PHGDH: variants seen among roughly 807,000 people sequenced by gnomAD.
PHGDH encodes the protein D-3-phosphoglycerate dehydrogenase.
Under a neutral mutation model 52.6 loss-of-function variants are expected in PHGDH, and 50 were observed. The observed-to-expected ratio is 0.95, with a 90% CI of 0.76 to 1.20. The LOEUF (loss-of-function observed/expected upper bound fraction) is 1.20. Ranked by LOEUF, PHGDH falls within the 50% of genes most tolerant of loss-of-function variation. The pLI, the probability that PHGDH is intolerant of heterozygous loss-of-function variation, is 0.00. For missense variants in PHGDH, 630 were observed against 684.6 expected, an observed-to-expected ratio of 0.92 and a Z score of 0.89; for synonymous variants, 271 against 280.5, an observed-to-expected ratio of 0.97 and a Z score of 0.34.
intron 1 of PHGDH, chr1:119,715,812 A>G (rs1168286864): frequency 6.6e-6 from 1 of 152,346 alleles, no homozygotes; most frequent in Non-Finnish European, 1.5e-5. Context: ...GAACATCAGA[A>G]TTTGGTGCTG....
At chr1:119,733,036 C>T (rs1409823921) in intron 5 of PHGDH, among the ~76,000 whole-genome samples, 1 of 152,238 alleles carries the variant, frequency 6.6e-6, no homozygotes, top group Non-Finnish European at 1.5e-5. Context: ...GATCCCATCT[C>T]CTCGCCTGGA....
chr1:119,727,148 T>A lies in PHGDH; in HGVS notation c.510+46T>A, dbSNP rs587736616. The A allele has an allele frequency of 4.3e-5, 54 of 1,241,602 alleles. 1 individual carries two copies. In the South Asian group the frequency reaches 5.8e-4, roughly 13 times the overall value. The allele number at this position is 1,241,602 out of a possible 1,614,324, so 76.9% of individuals were successfully genotyped here. A position where few individuals can be genotyped will look rare whatever the true frequency, so the allele number is the denominator to read the frequency against. On this transcript the variant is annotated intron_variant, in intron 5 of 11. Coordinates refer to ENST00000641023, the MANE Select transcript of PHGDH (RefSeq NM_006623.4). ...TGTGATGTGGGACTTTCTGCAGCAA[T>A]TTTGGGAAAGGCAGCATGTCTGGGC... is the stretch of plus-strand genomic sequence containing the variant.
chr1:119,737,756 A>C (rs1652010610), intron 8 of PHGDH, among the ~76,000 whole-genome samples: 1 of 152,034 alleles, frequency 6.6e-6, no homozygotes, highest in Non-Finnish European at 1.5e-5. Flanking sequence ...CTTTCCCCAA[A>C]TCAAGGCATA....
rs1651889178 is a variant in PHGDH, at chr1:119,735,438, A to G, written c.787A>G (p.Thr263Ala). Residue 263 changes from threonine (T) to alanine (A), a missense_variant, in exon 7 of 12, where the codon ACG becomes GCG. Transcript: ENST00000641023. ...QCAGAALDVFTEEPPRDRALV... is the reference protein window; with the variant it reads ...QCAGAALDVFAEEPPRDRALV... Reference sequence around the variant, plus strand: ...TGCCGGGGCTGCACTGGACGTGTTTACGGAAGTAAGTGCCTGGCAGCCTCA... The same window carrying G: ...TGCCGGGGCTGCACTGGACGTGTTTGCGGAAGTAAGTGCCTGGCAGCCTCA... 2.5e-6 allele frequency: 4 copies of G among 1,612,634 alleles called. No individual in the cohort carries two copies. The highest frequency in any genetic ancestry group is 1.7e-5 in the Admixed American group (1 of 60,004).
intron 1 of PHGDH, chr1:119,719,736 C>G (rs957966550): frequency 6.6e-6 from 1 of 152,240 alleles, no homozygotes; most frequent in Admixed American, 6.5e-5. Context: ...ATGCTCTAGG[C>G]TCGTGCACAA....
chr1:119,727,442 T>A (rs1048758259), intron 5 of PHGDH: 1 of 371,716 alleles, frequency 2.7e-6, no homozygotes, highest in African/African-American at 2.1e-5. Flanking sequence ...ATTGAGGAGT[T>A]TATTGCAAAG....
chr1:119,727,139 C>A lies in PHGDH; in HGVS notation c.510+37C>A, dbSNP rs1210628955. ...CTGGAACCCTGTGATGTGGGACTTT[C>A]TGCAGCAATTTTGGGAAAGGCAGCA... On this transcript the variant is annotated intron_variant, in intron 5 of 11. Coordinates refer to ENST00000641023, the MANE Select transcript of PHGDH (RefSeq NM_006623.4). The A allele has an allele frequency of 4.6e-6, 6 of 1,308,914 alleles. 1 individual carries two copies. The South Asian group carries it at 5.9e-5, about 13-fold the overall frequency. The allele number at this position is 1,308,914 out of a possible 1,614,324, so 81.1% of individuals were successfully genotyped here. A position where few individuals can be genotyped will look rare whatever the true frequency, so the allele number is the denominator to read the frequency against.
At chr1:119,720,278 A>G (rs1651091697) in intron 1 of PHGDH, 1 of 152,182 alleles carries the variant, frequency 6.6e-6, no homozygotes. Flanking sequence ...GTATATTTTT[A>G]GTCTAATATT....
intron 5 of PHGDH, among the ~76,000 whole-genome samples, chr1:119,730,729 A>G (rs1409902820): frequency 1.3e-5 from 2 of 152,166 alleles, no homozygotes; most frequent in Non-Finnish European, 2.9e-5. Flanking sequence ...GACATCTTTC[A>G]TGATTCCCTC....
rs1177892628 is a variant in PHGDH, at chr1:119,717,656, C to CT, written c.139-3509dup. Among the ~76,000 whole-genome samples, 6 of 152,142 alleles carry CT rather than the reference C, an allele frequency of 3.9e-5. No individual in the cohort carries two copies. In the East Asian group the frequency reaches 1.2e-3, roughly 29 times the overall value. ...CCTTTCCGCATCAATTTGAGTTCTGCTTTTTATTTTCTAAATTCTCACATA... is the reference window on the plus strand; with the variant it reads ...CCTTTCCGCATCAATTTGAGTTCTGCTTTTTTATTTTCTAAATTCTCACATA... On this transcript the variant is annotated intron_variant, in intron 1 of 11. Transcript: ENST00000641023.
In PHGDH at chr1:119,726,981, TC is replaced by T. The variant is rs748218896; in HGVS notation, c.412-21del. On this transcript the variant is annotated intron_variant, in intron 4 of 11. Coordinates refer to ENST00000641023, the MANE Select transcript of PHGDH (RefSeq NM_006623.4). The stretch of plus-strand genomic sequence containing the variant: ...CTCATGTTGCTGACTTCAGCTTCTT[TC>T]CTTTTGCCTGTTTGGTTGCAGTTCA... 2.9e-5 allele frequency: 46 copies of T among 1,609,436 alleles called. No homozygotes were observed. The Admixed American group carries it at 7.7e-4, about 27-fold the overall frequency.
intron 1 of PHGDH, among the ~76,000 whole-genome samples, chr1:119,718,025 C>T (rs780964153): frequency 2.6e-5 from 4 of 152,176 alleles, no homozygotes; most frequent in Admixed American, 6.5e-5. Context: ...GCCTACAGGC[C>T]ACAGGCAACT....
intron 5 of PHGDH, among the ~76,000 whole-genome samples, chr1:119,728,608 A>G (rs587716267): frequency 6.6e-6 from 1 of 152,250 alleles, no homozygotes; most frequent in South Asian, 2.1e-4. Flanking sequence ...TCTGGTTGCC[A>G]TCAGTAGCAG....
At chr1:119,729,064 C>T (rs1231527822) in intron 5 of PHGDH, among the ~76,000 whole-genome samples, 1 of 152,204 alleles carries the variant, frequency 6.6e-6, no homozygotes, top group Non-Finnish European at 1.5e-5. Context: ...ATATTATCCT[C>T]TCCCTCCTGC....
intron 3 of PHGDH, among the ~76,000 whole-genome samples, chr1:119,725,396 G>C (rs1034824230): frequency 6.6e-6 from 1 of 152,198 alleles, no homozygotes; most frequent in Non-Finnish European, 1.5e-5. Flanking sequence ...TAGGATGTGA[G>C]GGAGAGGAGA....
chr1:119,720,939 G>A (rs587756917), intron 1 of PHGDH: 15 of 545,006 alleles, frequency 2.8e-5, no homozygotes, highest in African/African-American at 7.5e-5. Context: ...CAAACAAAGC[G>A]GTTGGTGTGT....
At chr1:119,724,497 AG>A (rs1430533925) in intron 3 of PHGDH, 10 of 337,376 alleles carry the variant, frequency 3.0e-5, no homozygotes, top group Non-Finnish European at 5.7e-5. Context: ...GTGGGGGGAA[AG>A]GAGAAACAGG....
intron 10 of PHGDH, chr1:119,742,482 G>A (rs896431551): frequency 2.0e-6 from 1 of 508,960 alleles, no homozygotes; most frequent in Non-Finnish European, 3.6e-6. Flanking sequence ...GCAGGAGGCT[G>A]TGTCAGAGCA....
chr1:119,722,105 T>G (rs1174431147), intron 2 of PHGDH, among the ~76,000 whole-genome samples: 2 of 152,220 alleles, frequency 1.3e-5, no homozygotes, highest in African/African-American at 4.8e-5. Flanking sequence ...GTCACCTGAC[T>G]GAAGTCAATA....
Sources: allele counts gnomAD v4.1 joint callset (sites outside exome capture counted in the v4.1 genomes callset), GRCh38; gene constraint gnomAD v4.1.1; transcripts MANE v1.5; gene names NCBI Gene and HGNC (gene_info 2026-07-23, HGNC 2026-07-21).